DPP6: variants seen among roughly 807,000 people sequenced by gnomAD.
The protein encoded by DPP6 is dipeptidyl peptidase like 6.
A neutral mutation model predicts 122.6 loss-of-function variants in DPP6; 69 were observed. The observed-to-expected ratio is 0.56, with a 90% confidence interval of 0.46 to 0.69. DPP6 has a LOEUF of 0.69. Ranked by LOEUF, DPP6 falls within the 30% of genes least tolerant of loss-of-function variation. The pLI is 0.00. For synonymous variants in DPP6, 418 were observed against 433.1 expected (o/e 0.97, Z 0.43); for missense variants, 928 against 1,116.9 (o/e 0.83, Z 2.41).
At chr7:154,130,832 A>ACTCCT (rs1491560300) in intron 1 of DPP6, among the ~76,000 whole-genome samples, 4 of 152,122 alleles carry the variant, frequency 2.6e-5, no homozygotes, top group Non-Finnish European at 4.4e-5. Flanking sequence ...AAAAAAAAAT[A>ACTCCT]AAGCAAGAGT....
intron 1 of DPP6, among the ~76,000 whole-genome samples, chr7:153,961,052 A>G (rs1283352546): frequency 1.3e-5 from 2 of 149,744 alleles, no homozygotes; most frequent in African/African-American, 2.5e-5. Context: ...GATTATCCCT[A>G]ACACCTTCTT....
intron 8 of DPP6, among the ~76,000 whole-genome samples, chr7:154,759,793 A>G (rs954582343): frequency 1.3e-5 from 2 of 152,298 alleles, no homozygotes; most frequent in East Asian, 3.9e-4. Flanking sequence ...TGTGCACTAG[A>G]TGCCAATACG....
intron 3 of DPP6, among the ~76,000 whole-genome samples, chr7:154,511,635 A>G (rs1165927439): frequency 6.6e-6 from 1 of 152,216 alleles, no homozygotes; most frequent in Admixed American, 6.5e-5. Context: ...AGGTAAATCT[A>G]TAGGACTAGT....
chr7:154,505,312 C>G (rs1231646682), intron 3 of DPP6, among the ~76,000 whole-genome samples: 3 of 152,256 alleles, frequency 2.0e-5, no homozygotes, highest in Non-Finnish European at 4.4e-5. Context: ...TTTCCACATG[C>G]CCCAAACCCA....
intron 1 of DPP6, among the ~76,000 whole-genome samples, chr7:153,906,071 G>A (rs1214759865): frequency 6.6e-6 from 1 of 152,172 alleles, no homozygotes; most frequent in Non-Finnish European, 1.5e-5. Flanking sequence ...AAGGGCCTTT[G>A]AGCTCAGCTT....
At chr7:154,575,474 GTGGT>G (rs1831569511) in intron 5 of DPP6, among the ~76,000 whole-genome samples, 1 of 42,672 alleles carries the variant, frequency 2.3e-5, no homozygotes. Context: ...GTGTATGTGT[GTGGT>G]GTGTGTGTGG....
intron 5 of DPP6, among the ~76,000 whole-genome samples, chr7:154,612,059 A>T (rs934063534): frequency 6.6e-6 from 1 of 152,202 alleles, no homozygotes; most frequent in Non-Finnish European, 1.5e-5. Flanking sequence ...GATACTGATT[A>T]CAAAAACAGC....
chr7:154,486,428 G>A lies in DPP6; in HGVS notation c.457+11391G>A, dbSNP rs190924179. On this transcript the variant is annotated intron_variant, in intron 3 of 25. Transcript: ENST00000377770. This position sits in a 1 kb window ranked among gnomAD's most constrained non-coding sequence, Gnocchi z 4.5. ...ATTACGGGTGTGAGCCACCATGCCC[G>A]GCCACTCATGGCCTCTATTACCACG... 1.1e-4 allele frequency among the ~76,000 whole-genome samples: 16 copies of A among 152,112 alleles called. No homozygotes were observed. The highest frequency in any genetic ancestry group is 1.9e-4 in the African/African-American group (8 of 41,498).
At chr7:154,242,209 A>G (rs1319151641) in intron 1 of DPP6, among the ~76,000 whole-genome samples, 3 of 152,232 alleles carry the variant, frequency 2.0e-5, no homozygotes, top group South Asian at 2.1e-4. Context: ...GATTTGTCTG[A>G]CGTTGACATG....
intron 1 of DPP6, among the ~76,000 whole-genome samples, chr7:154,239,682 C>T (rs931898119): frequency 1.3e-5 from 2 of 151,928 alleles, no homozygotes; most frequent in African/African-American, 2.4e-5. Context: ...AAAAGTTACA[C>T]AAGGGCTGGG....
At chr7:154,350,699 C>T (rs541012733) in intron 1 of DPP6, among the ~76,000 whole-genome samples, 119 of 152,218 alleles carry the variant, frequency 7.8e-4, no homozygotes, top group African/African-American at 2.6e-3. Flanking sequence ...GTTCAACTGC[C>T]CGTTGCATGG....
intron 1 of DPP6, among the ~76,000 whole-genome samples, chr7:154,419,664 T>C (rs1378444968): frequency 6.6e-6 from 1 of 152,214 alleles, no homozygotes; most frequent in Non-Finnish European, 1.5e-5. Context: ...TCTATAAAAC[T>C]GGTGAACGCT....
intron 5 of DPP6, among the ~76,000 whole-genome samples, chr7:154,623,934 G>A (rs530841574): frequency 6.6e-6 from 1 of 152,298 alleles, no homozygotes; most frequent in South Asian, 2.1e-4. Flanking sequence ...GCTGGGCATG[G>A]TATAATCCCA....
the DPP6 span, among the ~76,000 whole-genome samples, chr7:153,782,925 C>T: frequency 1.1e-4 from 17 of 152,320 alleles, 1 homozygote; most frequent in South Asian, 2.7e-3. Flanking sequence ...GGATTTTTAA[C>T]GCCATGTGCG....
intron 3 of DPP6, among the ~76,000 whole-genome samples, chr7:154,517,874 A>G (rs2129917911): frequency 6.6e-6 from 1 of 152,246 alleles, no homozygotes; most frequent in East Asian, 1.9e-4. Context: ...GCAAGTTACA[A>G]TTTTCAACAT....
the DPP6 span, among the ~76,000 whole-genome samples, chr7:153,758,966 A>G: frequency 0.012 from 1,861 of 152,218 alleles, 27 homozygotes; most frequent in African/African-American, 0.043. Context: ...TATTTTCCAG[A>G]GTCATTTTAG....
At chr7:154,111,647 G>C (rs1179949363) in intron 1 of DPP6, among the ~76,000 whole-genome samples, 1 of 150,246 alleles carries the variant, frequency 6.7e-6, no homozygotes, top group African/African-American at 2.5e-5. Context: ...GTGTGTGTGT[G>C]TGTGTGTGTG....
intron 1 of DPP6, among the ~76,000 whole-genome samples, chr7:154,068,027 A>G (rs1245257987): frequency 6.6e-6 from 1 of 151,198 alleles, no homozygotes; most frequent in East Asian, 1.9e-4. Context: ...CTCCCAAAGT[A>G]CTGGGATTAC....
intron 1 of DPP6, among the ~76,000 whole-genome samples, chr7:153,928,396 A>ATGTTTTTTTTTTTTTTTTTTTTT: frequency 2.3e-5 from 1 of 43,698 alleles, no homozygotes; most frequent in African/African-American, 7.9e-5. Flanking sequence ...CTTTTCTTTC[A>ATGTTTTTTTTTTTTTTTTTTTTT]TTTTTTTTTT....
Sources: allele counts gnomAD v4.1 joint callset (sites outside exome capture counted in the v4.1 genomes callset), GRCh38; gene constraint gnomAD v4.1.1; non-coding constraint Gnocchi (gnomAD v3.1); transcripts MANE v1.5; gene names NCBI Gene and HGNC (gene_info 2026-07-23, HGNC 2026-07-21).